PHF11: variants seen among roughly 807,000 people sequenced by gnomAD.
PHF11 encodes PHD finger protein 11, also known as BRCA1 C-terminus-associated protein.
PHF11 carries 38 observed loss-of-function variants against 40.5 expected under a neutral mutation model. That is an observed-to-expected ratio of 0.94 (90% CI 0.72 to 1.23). The LOEUF (loss-of-function observed/expected upper bound fraction) is 1.23. PHF11 is among the 50% of genes most tolerant of loss of function. The probability of loss-of-function intolerance (pLI) is 0.00; values close to 1 mark genes in which losing one functional copy is unlikely to be tolerated. For synonymous variants in PHF11, 127 were observed against 138.2 expected, an observed-to-expected ratio of 0.92 and a Z score of 0.57; for missense variants, 369 against 392.4, an observed-to-expected ratio of 0.94 and a Z score of 0.50.
At chr13:49,513,328 ATTTT>A (rs5803468) in intron 3 of PHF11, among the ~76,000 whole-genome samples, 162 bp downstream of exon 3, 1 of 126,140 alleles carries the variant, frequency 7.9e-6, no homozygotes. Flanking sequence ...TTAACATTTA[ATTTT>A]TTTTTTTTTT....
intron 8 of PHF11, among the ~76,000 whole-genome samples, chr13:49,524,508 CT>C (rs1959216081): frequency 6.7e-6 from 1 of 149,488 alleles, no homozygotes. Flanking sequence ...GAGTTTCGCC[CT>C]TGTTGCCCAG....
intron 1 of PHF11, among the ~76,000 whole-genome samples, chr13:49,500,635 GA>G (rs1303953737): frequency 3.3e-5 from 5 of 152,182 alleles, no homozygotes; most frequent in Non-Finnish European, 5.9e-5. Flanking sequence ...GATATGGGGG[GA>G]TTTAGCAGGA....
At chr13:49,514,521 G>C (rs1364500040) in intron 3 of PHF11, among the ~76,000 whole-genome samples, 1 of 152,104 alleles carries the variant, frequency 6.6e-6, no homozygotes, top group African/African-American at 2.4e-5. Context: ...GGGAAGCCAA[G>C]GCAGTTGAGG....
intron 1 of PHF11, among the ~76,000 whole-genome samples, chr13:49,501,278 G>T (rs1958905039): frequency 6.6e-6 from 1 of 152,070 alleles, no homozygotes; most frequent in African/African-American, 2.4e-5. Context: ...CTCCCAAAGT[G>T]CTGGGATTAT....
intron 4 of PHF11, 78 bp from the exon 5 acceptor site, chr13:49,520,816 T>C (rs2139069652): frequency 2.8e-6 from 3 of 1,057,886 alleles, no homozygotes; most frequent in Non-Finnish European, 2.7e-6. Context: ...TGGTACGTTT[T>C]TAATCACAAA....
intron 5 of PHF11, 86 bp downstream of exon 5, chr13:49,521,026 G>GT: frequency 6.9e-7 from 1 of 1,451,316 alleles, no homozygotes; most frequent in South Asian, 1.4e-5. Context: ...TTCTAGCCTC[G>GT]TTGAATTAAA....
intron 2 of PHF11, among the ~76,000 whole-genome samples, chr13:49,510,762 C>T (rs1959072155): frequency 1.3e-5 from 2 of 152,226 alleles, no homozygotes; most frequent in Non-Finnish European, 2.9e-5. Flanking sequence ...TGAGCTACCG[C>T]TCCCAGCCCA....
chr13:49,496,865 C>T (rs994423635), intron 1 of PHF11, among the ~76,000 whole-genome samples: 6 of 114,808 alleles, frequency 5.2e-5, no homozygotes, highest in African/African-American at 1.7e-4. Flanking sequence ...AGGAGTTTCA[C>T]TCTTGTTGCC....
intron 8 of PHF11, chr13:49,525,747 C>T (rs1223220542): frequency 2.2e-6 from 1 of 449,314 alleles, no homozygotes; most frequent in Non-Finnish European, 4.5e-6. Flanking sequence ...ATTTATTATA[C>T]TATTTTATTC....
At chr13:49,518,878 C>G (rs569408698) in intron 4 of PHF11, 1 of 150,062 alleles carries the variant, frequency 6.7e-6, no homozygotes, top group Non-Finnish European at 1.5e-5. Flanking sequence ...CTCTGTCGCC[C>G]AGGCTGGAGT....
intron 2 of PHF11, 61 bp from the exon 3 acceptor site, chr13:49,512,998 C>A: frequency 1.2e-6 from 1 of 819,652 alleles, no homozygotes; most frequent in Non-Finnish European, 2.0e-6. Flanking sequence ...GTATGATTTT[C>A]TGACATGTAG....
intron 1 of PHF11, chr13:49,496,377 TC>T: frequency 1.7e-6 from 2 of 1,144,834 alleles, no homozygotes; most frequent in Non-Finnish European, 2.1e-6. Flanking sequence ...TCGGTTTACC[TC>T]CCCCGCGGGT....
intron 8 of PHF11, 145 bp downstream of exon 8, chr13:49,524,361 T>G (rs1043658761): frequency 1.4e-5 from 9 of 660,588 alleles, no homozygotes; most frequent in African/African-American, 1.3e-4. Context: ...TGCTTACTAT[T>G]TATTTCACTT....
intron 3 of PHF11, among the ~76,000 whole-genome samples, 162 bp downstream of exon 3, chr13:49,513,328 ATTTTTTT>A (rs5803468): frequency 7.9e-6 from 1 of 126,152 alleles, no homozygotes; most frequent in Admixed American, 8.1e-5. Flanking sequence ...TTAACATTTA[ATTTTTTT>A]TTTTTTTTTT....
At chr13:49,503,198 C>T (rs1958933781) in intron 1 of PHF11, among the ~76,000 whole-genome samples, 1 of 152,156 alleles carries the variant, frequency 6.6e-6, no homozygotes, top group Admixed American at 6.5e-5. Context: ...TCCCATATGG[C>T]TGCTTCCCTC....
intron 1 of PHF11, 101 bp downstream of exon 1, chr13:49,496,196 C>G: frequency 2.7e-6 from 2 of 740,050 alleles, no homozygotes; most frequent in Non-Finnish European, 1.9e-6. Flanking sequence ...GGGGCCCGAC[C>G]TGCCCCTACT....
intron 2 of PHF11, among the ~76,000 whole-genome samples, chr13:49,509,111 T>C (rs942169648): frequency 6.6e-6 from 1 of 152,214 alleles, no homozygotes; most frequent in African/African-American, 2.4e-5. Flanking sequence ...TATTTTAAAT[T>C]ACAAATTTAT....
intron 1 of PHF11, among the ~76,000 whole-genome samples, chr13:49,502,316 G>A (rs1476126682): frequency 2.0e-5 from 3 of 146,708 alleles, no homozygotes; most frequent in African/African-American, 8.2e-5. Flanking sequence ...TAAATAAATT[G>A]ATTAATTAAA....
chr13:49,528,463 A>G, intron 9 of PHF11, 48 bp from the exon 10 acceptor site: 1 of 1,334,124 alleles, frequency 7.5e-7, no homozygotes, highest in Non-Finnish European at 1.0e-6. Context: ...ATTATTTCTA[A>G]TAAAACTACT....
Sources: gnomAD v4.1 joint callset for allele counts (sites outside exome capture counted in the v4.1 genomes callset) on GRCh38, gnomAD v4.1.1 for gene constraint, MANE v1.5 for transcripts, NCBI Gene and HGNC (gene_info 2026-07-23, HGNC 2026-07-21) for gene names.